The following USH2A variants were observed in gnomAD, a reference collection of about 807,000 sequenced individuals.
USH2A encodes Usher syndrome 2A (autosomal recessive, mild).
In USH2A, 443 loss-of-function variants were observed where a neutral mutation model predicts 538.9. The ratio of observed to expected loss-of-function variants is 0.82; its 90% CI spans 0.76 to 0.89. The LOEUF (loss-of-function observed/expected upper bound fraction) is 0.89, where lower values mean the gene tolerates loss of function less well. Ranked by LOEUF, USH2A falls within the 40% of genes least tolerant of loss-of-function variation. The probability of loss-of-function intolerance (pLI) is 0.00; values close to 1 mark genes in which losing one functional copy is unlikely to be tolerated. For synonymous variants in USH2A, 2,413 were observed against 2,273.5 expected (o/e 1.06, Z -1.75); for missense variants, 6,633 against 6,324.8 (o/e 1.05, Z -1.65).
chr1:216,262,136 A>G (rs1244463185), intron 11 of USH2A, among the ~76,000 whole-genome samples: 3 of 152,148 alleles, frequency 2.0e-5, no homozygotes, highest in Non-Finnish European at 2.9e-5. Context: ...TGCAGGTATC[A>G]ATGTAGGAAC....
At chr1:216,129,465 C>A (rs901019700) in intron 21 of USH2A, among the ~76,000 whole-genome samples, 1 of 151,528 alleles carries the variant, frequency 6.6e-6, no homozygotes, top group South Asian at 2.1e-4. Context: ...CATTTGTAAT[C>A]GCCACAAATA....
chr1:215,777,887 CA>C (rs1661511009), intron 55 of USH2A, among the ~76,000 whole-genome samples: 2 of 152,208 alleles, frequency 1.3e-5, no homozygotes, highest in African/African-American at 4.8e-5. Context: ...TCAGAGAAGT[CA>C]AAATGCAAAC....
In USH2A at chr1:216,199,679, T is replaced by C. The variant is rs555590539; in HGVS notation, c.3759A>G (p.Lys1253=). 3 of 1,614,094 alleles carry C rather than the reference T, an allele frequency of 1.9e-6. No homozygotes were observed. The highest frequency in any genetic ancestry group is 1.7e-5 in the Admixed American group (1 of 60,022). Residue 1253 remains lysine (K), a synonymous_variant, in exon 17 of 72, where the codon AAA becomes AAG. Coordinates refer to ENST00000307340, the MANE Select transcript of USH2A (RefSeq NM_206933.4). ...CTACATGAAGTTCTGTAGAACTGATTTTCTGCATCTTAGGTGGACTTAGTC... is the reference window on the plus strand; with the variant it reads ...CTACATGAAGTTCTGTAGAACTGATCTTCTGCATCTTAGGTGGACTTAGTC... The part of the protein sequence containing the change: ...PQRLSPPKMQ[K]ISSTELHVEW...
chr1:216,091,374 A>T (rs2102567537), intron 22 of USH2A, among the ~76,000 whole-genome samples: 1 of 152,348 alleles, frequency 6.6e-6, no homozygotes, highest in Non-Finnish European at 1.5e-5. Flanking sequence ...TCACTAAAAT[A>T]TTATCTGATC....
At chr1:216,195,382 A>T (rs895709800) in intron 19 of USH2A, among the ~76,000 whole-genome samples, 10 of 152,098 alleles carry the variant, frequency 6.6e-5, no homozygotes, top group Non-Finnish European at 1.3e-4. Context: ...AGAATGTGGA[A>T]AAAAAGCAGA....
chr1:215,781,826 C>G (rs1005000987), intron 54 of USH2A, among the ~76,000 whole-genome samples: 3 of 152,142 alleles, frequency 2.0e-5, no homozygotes, highest in African/African-American at 7.2e-5. Context: ...TTTTCATTAA[C>G]ACAAGATTGA....
chr1:216,005,161 T>C (rs1456153457), intron 32 of USH2A, among the ~76,000 whole-genome samples: 3 of 152,152 alleles, frequency 2.0e-5, no homozygotes, highest in Admixed American at 2.0e-4. Context: ...ACACAACAAG[T>C]TCACACTTCT....
At chr1:216,408,179 G>A (rs912086329) in intron 3 of USH2A, among the ~76,000 whole-genome samples, 2 of 152,026 alleles carry the variant, frequency 1.3e-5, no homozygotes, top group Non-Finnish European at 2.9e-5. Context: ...GTCTTGATTG[G>A]AAGTGTTTCC....
intron 44 of USH2A, among the ~76,000 whole-genome samples, 193 bp from the exon 45 acceptor site, chr1:215,846,226 T>C (rs1663843302): frequency 6.6e-6 from 1 of 152,198 alleles, no homozygotes; most frequent in Admixed American, 6.5e-5. Flanking sequence ...TATTTATTTA[T>C]TTTTGAGACA....
chr1:216,198,227 A>G, intron 18 of USH2A, 88 bp downstream of exon 18: 1 of 1,587,710 alleles, frequency 6.3e-7, no homozygotes, highest in Non-Finnish European at 8.6e-7. Context: ...GCTTTTCAAA[A>G]TGTACTTTCA....
intron 21 of USH2A, among the ~76,000 whole-genome samples, chr1:216,172,336 A>C (rs2034289872): frequency 6.6e-6 from 1 of 152,074 alleles, no homozygotes; most frequent in East Asian, 1.9e-4. Context: ...TATATAAAAT[A>C]TGTATAATTA....
intron 13 of USH2A, among the ~76,000 whole-genome samples, chr1:216,238,632 A>C (rs2035875562): frequency 6.6e-6 from 1 of 152,212 alleles, no homozygotes; most frequent in African/African-American, 2.4e-5. Context: ...CTGCTGCTTT[A>C]ACAAATTGCC....
chr1:215,641,838 T>C (rs1656696403), intron 67 of USH2A, among the ~76,000 whole-genome samples: 1 of 152,248 alleles, frequency 6.6e-6, no homozygotes, highest in Non-Finnish European at 1.5e-5. Context: ...GATTGTTATC[T>C]TTCAAAATAA....
chr1:215,796,396 C>T (rs1002107840), intron 50 of USH2A, among the ~76,000 whole-genome samples: 7 of 151,568 alleles, frequency 4.6e-5, no homozygotes, highest in Non-Finnish European at 8.8e-5. Flanking sequence ...TAAACTTTTT[C>T]ATTATTATTA....
At chr1:215,970,491 T>C (rs1386944543) in intron 36 of USH2A, 134 bp downstream of exon 36, 2 of 1,153,128 alleles carry the variant, frequency 1.7e-6, no homozygotes, top group Non-Finnish European at 2.5e-6. Flanking sequence ...TGAACTTTTA[T>C]AAAAAGAAAA....
intron 68 of USH2A, among the ~76,000 whole-genome samples, 177 bp from the exon 69 acceptor site, chr1:215,639,415 A>G (rs182325189): frequency 8.1e-4 from 124 of 152,374 alleles, no homozygotes; most frequent in African/African-American, 2.6e-3. Context: ...AAAAAAAGCT[A>G]TCATTAGTGT....
chr1:216,373,354 CTCT>C (rs1238511247), intron 3 of USH2A, among the ~76,000 whole-genome samples: 6 of 152,184 alleles, frequency 3.9e-5, no homozygotes, highest in South Asian at 2.1e-4. Flanking sequence ...TTCCCTGTTA[CTCT>C]TCTTCTCTCT....
At chr1:216,308,404 C>T (rs995879570) in intron 9 of USH2A, among the ~76,000 whole-genome samples, 4 of 132,310 alleles carry the variant, frequency 3.0e-5, no homozygotes, top group African/African-American at 1.2e-4. Flanking sequence ...AATATTATCA[C>T]ATTCTTTTTT....
In USH2A at chr1:216,104,619, T is replaced by C. The variant is rs569565426; in HGVS notation, c.4628-7406A>G. ...GTGCTGGGAAAACTGGCTAGCCATA[T>C]GTAGAAAGCTGAAACTGGATCCCTT... On this transcript the variant is annotated intron_variant, in intron 21 of 71. Coordinates refer to ENST00000307340, the MANE Select transcript of USH2A (RefSeq NM_206933.4). 3.9e-5 allele frequency among the ~76,000 whole-genome samples: 6 copies of C among 152,294 alleles called. No individual in the cohort carries two copies. In the East Asian group the frequency reaches 1.2e-3, roughly 29 times the overall value.
Sources: gnomAD v4.1 joint callset for allele counts (sites outside exome capture counted in the v4.1 genomes callset) on GRCh38, gnomAD v4.1.1 for gene constraint, MANE v1.5 for transcripts, NCBI Gene and HGNC (gene_info 2026-07-23, HGNC 2026-07-21) for gene names.